The following ZC3H12B variants were observed in gnomAD, a reference collection of about 807,000 sequenced individuals.
ZC3H12B encodes the protein zinc finger CCCH-type containing 12B.
In ZC3H12B, 7 loss-of-function variants were observed where a neutral mutation model predicts 43.9. That is an observed-to-expected ratio of 0.16 (90% confidence interval 0.09 to 0.30). The LOEUF (loss-of-function observed/expected upper bound fraction) is 0.30. Among genes scored for constraint, ZC3H12B ranks in the 10% least tolerant of loss-of-function variants. ZC3H12B has a pLI of 1.00. For missense variants in ZC3H12B, 475 were observed against 670.2 expected, an observed-to-expected ratio of 0.71 and a Z score of 3.22; for synonymous variants, 222 against 241.7, an observed-to-expected ratio of 0.92 and a Z score of 0.76.
At chrX:65,213,897 A>G in the ZC3H12B span, among the ~76,000 whole-genome samples, 9 of 103,402 alleles carry the variant, frequency 8.7e-5, no homozygotes, top group Admixed American at 2.1e-4. Flanking sequence ...AAATATATAT[A>G]TACATATATA....
At chrX:65,181,158 T>A in the ZC3H12B span, among the ~76,000 whole-genome samples, 1 of 111,543 alleles carries the variant, frequency 9.0e-6, no homozygotes, top group African/African-American at 3.3e-5. Context: ...GGGAAAAGGA[T>A]TTTCTATTTA....
the ZC3H12B span, among the ~76,000 whole-genome samples, chrX:65,187,862 A>G: frequency 1.8e-5 from 2 of 110,643 alleles, no homozygotes; most frequent in Non-Finnish European, 3.8e-5. Context: ...TGTTGACTGT[A>G]GCCACCTTGT....
chrX:65,329,577 T>G, the ZC3H12B span, among the ~76,000 whole-genome samples: 6 of 106,659 alleles, frequency 5.6e-5, no homozygotes, highest in Admixed American at 9.7e-5. Flanking sequence ...GTCAATTTTG[T>G]CTTTTGTTGC....
chrX:65,160,603 T>C, the ZC3H12B span, among the ~76,000 whole-genome samples: 1 of 111,906 alleles, frequency 8.9e-6, no homozygotes, highest in Non-Finnish European at 1.9e-5. Flanking sequence ...GGATTGGTGG[T>C]GATATCCCCT....
At chrX:65,128,702 A>T in the ZC3H12B span, among the ~76,000 whole-genome samples, 1 of 112,136 alleles carries the variant, frequency 8.9e-6, no homozygotes, top group Non-Finnish European at 1.9e-5. Context: ...CAATTCTCCT[A>T]GTGTTCACTT....
chrX:65,426,320 CT>C (rs761297219), intron 3 of ZC3H12B, among the ~76,000 whole-genome samples: 1 of 84,285 alleles, frequency 1.2e-5, no homozygotes, highest in Non-Finnish European at 2.3e-5. Flanking sequence ...CTTATCATTT[CT>C]GTTTATTTGA....
the ZC3H12B span, among the ~76,000 whole-genome samples, chrX:65,330,615 G>A: frequency 9.0e-6 from 1 of 111,717 alleles, no homozygotes; most frequent in Non-Finnish European, 1.9e-5. Context: ...TTGGGATGAA[G>A]CATTGTTGAA....
At chrX:65,113,414 T>C in the ZC3H12B span, among the ~76,000 whole-genome samples, 3 of 110,927 alleles carry the variant, frequency 2.7e-5, no homozygotes, top group Non-Finnish European at 5.7e-5. Flanking sequence ...TAAAATGCTA[T>C]CAGGCAAGGT....
intron 3 of ZC3H12B, among the ~76,000 whole-genome samples, chrX:65,453,402 A>ATATATG (rs2067551697): frequency 1.2e-5 from 1 of 84,910 alleles, no homozygotes; most frequent in Non-Finnish European, 2.2e-5. Context: ...ATATATATAT[A>ATATATG]TAAAATAGAA....
chrX:65,488,950 G>A, exon 1 of ZC3H12B: 1 of 1,210,755 alleles, frequency 8.3e-7, no homozygotes. Context: ...GAACAGATAA[G>A]CCTTAAGAGT....
chrX:65,135,176 A>C, the ZC3H12B span, among the ~76,000 whole-genome samples: 2 of 111,420 alleles, frequency 1.8e-5, no homozygotes, highest in African/African-American at 6.5e-5. Flanking sequence ...AAGTGTATAA[A>C]GCCTACCAAC....
chrX:65,207,285 G>A, the ZC3H12B span, among the ~76,000 whole-genome samples: 86 of 107,765 alleles, frequency 8.0e-4, no homozygotes, highest in African/African-American at 2.5e-3. Context: ...TACACACACC[G>A]TGGTCTACTA....
chrX:65,458,639 T>A (rs1292295275), intron 3 of ZC3H12B, among the ~76,000 whole-genome samples: 13 of 111,899 alleles, frequency 1.2e-4, no homozygotes, highest in Non-Finnish European at 3.8e-5. Flanking sequence ...AAGGCAGAAA[T>A]AAAGATGTTC....
chrX:65,200,986 T>C, the ZC3H12B span, among the ~76,000 whole-genome samples: 2 of 111,604 alleles, frequency 1.8e-5, no homozygotes, highest in African/African-American at 6.5e-5. Context: ...ATCAAGGATG[T>C]TGGACTTAAG....
chrX:65,456,944 T>C (rs2067626433), intron 3 of ZC3H12B, among the ~76,000 whole-genome samples: 1 of 102,032 alleles, frequency 9.8e-6, no homozygotes, highest in Admixed American at 1.1e-4. Flanking sequence ...GGCTGCCCAG[T>C]CTGGAAAGTG....
chrX:65,204,321 T>C, the ZC3H12B span, among the ~76,000 whole-genome samples: 1 of 112,205 alleles, frequency 8.9e-6, no homozygotes, highest in African/African-American at 3.2e-5. Context: ...TAGCTCTGCC[T>C]CTTTCATCTG....
chrX:65,252,357 T>A, the ZC3H12B span, among the ~76,000 whole-genome samples: 1 of 111,853 alleles, frequency 8.9e-6, no homozygotes. Flanking sequence ...ATTGAGGATT[T>A]TTGCATCAAT....
chrX:65,166,847 GA>G, the ZC3H12B span, among the ~76,000 whole-genome samples: 1 of 112,017 alleles, frequency 8.9e-6, no homozygotes, highest in African/African-American at 3.2e-5. Flanking sequence ...CTTCTTTTGA[GA>G]AGTGTCTGTT....
upstream of ZC3H12B, among the ~76,000 whole-genome samples, chrX:65,486,758 A>G (rs2068128879): frequency 8.9e-6 from 1 of 112,516 alleles, no homozygotes; most frequent in Non-Finnish European, 1.9e-5. Context: ...AGCATGGTGA[A>G]ATTATTCACA....
Sources: gnomAD v4.1 joint callset for allele counts (sites outside exome capture counted in the v4.1 genomes callset) on GRCh38, gnomAD v4.1.1 for gene constraint, MANE v1.5 for transcripts, NCBI Gene and HGNC (gene_info 2026-07-23, HGNC 2026-07-21) for gene names.